FRMPD2: variants seen among roughly 807,000 people sequenced by gnomAD.
FRMPD2 encodes the protein FERM and PDZ domain-containing protein 2.
FRMPD2 carries 96 observed loss-of-function variants against 140.1 expected under a neutral mutation model. That is an observed-to-expected ratio of 0.69 (90% CI 0.58 to 0.81). The LOEUF is 0.81. FRMPD2 is among the 40% of genes least tolerant of loss of function. The pLI is 0.00. For synonymous variants in FRMPD2, 449 were observed against 547.6 expected, an observed-to-expected ratio of 0.82 and a Z score of 2.52; for missense variants, 1,240 against 1,447.4, an observed-to-expected ratio of 0.86 and a Z score of 2.32.
At position 48,241,839 on chromosome 10, in the gene FRMPD2, G is replaced by A. The variant is rs540731429; in HGVS notation, c.567+322C>T. 3.3e-5 allele frequency among the ~76,000 whole-genome samples: 5 copies of A among 152,250 alleles called. No individual in the cohort carries two copies. The East Asian group carries it at 9.7e-4, about 29-fold the overall frequency. On this transcript the variant is annotated intron_variant, in intron 5 of 28. Coordinates refer to ENST00000374201, the MANE Select transcript of FRMPD2 (RefSeq NM_001018071.4). Reference sequence around the variant, plus strand: ...ATTTTGATAAGAAAACTGAATCATGGGTTCTAAACATTATTGCTTTATGTA... The same window carrying A: ...ATTTTGATAAGAAAACTGAATCATGAGTTCTAAACATTATTGCTTTATGTA...
At chr10:48,193,448 A>G (rs1198123513) in intron 15 of FRMPD2, among the ~76,000 whole-genome samples, 2 of 152,234 alleles carry the variant, frequency 1.3e-5, no homozygotes, top group Non-Finnish European at 2.9e-5. Context: ...GGTTCCCCCC[A>G]GCTTTGACAC....
At chr10:48,225,743 T>G (rs1269578926) in intron 10 of FRMPD2, among the ~76,000 whole-genome samples, 1 of 152,180 alleles carries the variant, frequency 6.6e-6, no homozygotes, top group Non-Finnish European at 1.5e-5. Context: ...ATGACAAGCC[T>G]TTTCCCATAC....
chr10:48,249,145 G>T lies in FRMPD2; in HGVS notation c.185C>A (p.Ala62Asp). 1.9e-6 allele frequency: 3 copies of T among 1,614,118 alleles called. No homozygotes were observed. The highest frequency in any genetic ancestry group is 1.7e-6 in the Non-Finnish European group (2 of 1,180,016). ...AAGGCTTCCAGCTGCAGAAAGCAGG[G>T]CTGACCAGGGGCAAACCACATAGTC... Reference protein sequence around the residue: ...SSDYVVCPWSALLSAAGSLSF... With the variant: ...SSDYVVCPWSDLLSAAGSLSF... Residue 62 changes from alanine to aspartate, a missense_variant, in exon 3 of 29, where the codon GCC becomes GAC. Ala to Asp is a moderately radical substitution (Grantham distance 126). Coordinates refer to ENST00000374201, the MANE Select transcript of FRMPD2 (RefSeq NM_001018071.4).
intron 3 of FRMPD2, among the ~76,000 whole-genome samples, chr10:48,247,450 A>G (rs932294266): frequency 2.0e-5 from 3 of 152,256 alleles, no homozygotes; most frequent in African/African-American, 7.2e-5. Context: ...ACAGGGACCA[A>G]TGTGATATGC....
At position 48,238,039 on chromosome 10, in the gene FRMPD2, T is replaced by C; in HGVS notation, c.873A>G (p.Ser291=). ...SGSVHSAADS[S]WPTTPSQRGF... ...CCCTCTGAGAAGGAGTTGTTGGCCA[T>C]GAGCTGTCTGCTGCCGAGTGCACAG... The change falls in exon 8 of 29, where the codon TCA becomes TCG. Residue 291 remains serine, a synonymous_variant. Transcript: ENST00000374201. 1.2e-6 allele frequency: 2 copies of C among 1,614,126 alleles called. No individual in the cohort carries two copies. Among genetic ancestry groups the C allele is most frequent in the Non-Finnish European group, 1.7e-6 (2 of 1,180,014 alleles).
chr10:48,247,989 T>C (rs1200982275), intron 3 of FRMPD2, among the ~76,000 whole-genome samples: 1 of 152,174 alleles, frequency 6.6e-6, no homozygotes, highest in Non-Finnish European at 1.5e-5. Context: ...ACTCTTATGC[T>C]TTCACTTTTG....
chr10:48,265,889 C>T (rs1346109688), intron 1 of FRMPD2, among the ~76,000 whole-genome samples: 2 of 152,080 alleles, frequency 1.3e-5, no homozygotes, highest in African/African-American at 2.4e-5. Flanking sequence ...AAATATAAAT[C>T]GTCGTATCAT....
chr10:48,223,454 G>C (rs1401457332), intron 10 of FRMPD2, among the ~76,000 whole-genome samples, 184 bp from the exon 11 acceptor site: 1 of 152,134 alleles, frequency 6.6e-6, no homozygotes, highest in Non-Finnish European at 1.5e-5. Context: ...TGTCAAGAAG[G>C]AGCAGACAAA....
Position 48,249,026 on chromosome 10 carries a change from A to G in FRMPD2, c.304T>C (p.Ser102Pro). Residue 102 changes from serine (S) to proline (P), a missense_variant, in exon 3 of 29, where the codon TCT (serine) becomes CCT (proline). Around this residue, in one of 6 missense-constraint regions of FRMPD2, gnomAD observed 1,161 missense variants for 1,055.9 expected, o/e 1.10. Transcript: ENST00000374201. ...AGAGTAGCTGCACAGCTTACCTGAG[A>G]TGCATCAGGCTGCTCATCCTCACTC... is the stretch of plus-strand genomic sequence containing the variant. Reference protein sequence around the residue: ...GQSEDEQPDASQMHVYSLGMT... With the variant: ...GQSEDEQPDAPQMHVYSLGMT... The G allele has an allele frequency of 6.2e-7, 1 of 1,609,466 alleles. No individual in the cohort carries two copies. The highest frequency in any genetic ancestry group is 8.5e-7 in the Non-Finnish European group (1 of 1,177,408).
intron 1 of FRMPD2, among the ~76,000 whole-genome samples, chr10:48,253,706 A>T (rs1400874577): frequency 2.6e-5 from 4 of 152,202 alleles, no homozygotes; most frequent in African/African-American, 4.8e-5. Flanking sequence ...ATCCTAATGG[A>T]GTCCTTCAGA....
chr10:48,159,380 C>T, intron 28 of FRMPD2: 1 of 412,846 alleles, frequency 2.4e-6, no homozygotes, highest in South Asian at 1.8e-5. Flanking sequence ...CCAAGGATAG[C>T]CCTGGGAGCC....
At chr10:48,237,724 G>A (rs553546026) in intron 8 of FRMPD2, among the ~76,000 whole-genome samples, 9 of 152,192 alleles carry the variant, frequency 5.9e-5, no homozygotes, top group African/African-American at 1.9e-4. Context: ...CCTGCGCACC[G>A]GTGGCTTCCT....
intron 4 of FRMPD2, among the ~76,000 whole-genome samples, chr10:48,244,130 A>G (rs965412075): frequency 5.3e-5 from 8 of 152,022 alleles, no homozygotes; most frequent in African/African-American, 1.9e-4. Context: ...GACTATAGGC[A>G]TACACCACCA....
rs1225053591 is a variant in FRMPD2, at chr10:48,242,298, G to C, written c.430C>G (p.Gln144Glu). The C allele has an allele frequency of 5.0e-6, 8 of 1,614,038 alleles. No homozygotes were observed. The highest frequency in any genetic ancestry group is 1.3e-5 in the African/African-American group (1 of 74,936). ...HSILLTMCED[Q>E]PHRRCTLQSV... ...TGCAACGTGCACCGCCTGTGAGGCTGGTCTTCACACATGGTCAGCAGGATG... is the reference window on the plus strand; with the variant it reads ...TGCAACGTGCACCGCCTGTGAGGCTCGTCTTCACACATGGTCAGCAGGATG... Residue 144 changes from glutamine to glutamate, a missense_variant, in exon 5 of 29, where the codon CAG becomes GAG. Gln to Glu is a conservative substitution (Grantham distance 29). Coordinates refer to ENST00000374201, the MANE Select transcript of FRMPD2 (RefSeq NM_001018071.4).
intron 3 of FRMPD2, among the ~76,000 whole-genome samples, chr10:48,248,215 T>C (rs576512996): frequency 3.9e-5 from 6 of 152,300 alleles, no homozygotes; most frequent in Admixed American, 2.6e-4. Context: ...CCATCCAGTG[T>C]TGTGTGGCTG....
chr10:48,238,215 G>T, intron 7 of FRMPD2, 92 bp from the exon 8 acceptor site: 1 of 1,335,898 alleles, frequency 7.5e-7, no homozygotes. Flanking sequence ...CAGTTGGGCA[G>T]GGTGCACCCA....
chr10:48,212,206 G>C (rs923936856), intron 12 of FRMPD2, 97 bp from the exon 13 acceptor site: 29 of 1,267,954 alleles, frequency 2.3e-5, no homozygotes, highest in Non-Finnish European at 3.2e-5. Flanking sequence ...AATTCCAGGA[G>C]GGCGCCAGAG....
intron 20 of FRMPD2, among the ~76,000 whole-genome samples, chr10:48,181,878 T>TATATATATATATATATATATAA: frequency 2.8e-5 from 1 of 36,240 alleles, no homozygotes; most frequent in Non-Finnish European, 5.6e-5. Context: ...TATATATATA[T>TATATATATATATATATATATAA]GGCTCTCATA....
intron 10 of FRMPD2, among the ~76,000 whole-genome samples, chr10:48,229,206 G>A (rs991969298): frequency 2.0e-5 from 3 of 152,032 alleles, no homozygotes; most frequent in Admixed American, 6.5e-5. Flanking sequence ...GCTCTGTGCT[G>A]TATTTTATTA....
Sources: allele counts gnomAD v4.1 joint callset (sites outside exome capture counted in the v4.1 genomes callset), GRCh38; gene constraint gnomAD v4.1.1; regional missense constraint gnomAD v4.1.1; transcripts MANE v1.5; gene names NCBI Gene and HGNC (gene_info 2026-07-23, HGNC 2026-07-21).